ZDHHC14: variants seen among roughly 807,000 people sequenced by gnomAD.
ZDHHC14 encodes zDHHC palmitoyltransferase 14, also known as palmitoyltransferase ZDHHC14.
Under a neutral mutation model 47.7 loss-of-function variants are expected in ZDHHC14, and 16 were observed. That is an observed-to-expected ratio of 0.34 (90% CI 0.23 to 0.51). The LOEUF is 0.51. ZDHHC14 is among the 20% of genes least tolerant of loss of function. The pLI is 0.97. For missense variants in ZDHHC14, 515 were observed against 662.5 expected, an observed-to-expected ratio of 0.78 and a Z score of 2.44; for synonymous variants, 293 against 278.9, an observed-to-expected ratio of 1.05 and a Z score of -0.50.
chr6:157,672,622 G>GCTCC, intron 8 of ZDHHC14, 102 bp from the exon 9 acceptor site: 1 of 436,552 alleles, frequency 2.3e-6, no homozygotes, highest in Non-Finnish European at 4.2e-6. Context: ...CTCTCTTCTC[G>GCTCC]CACCCCACCC....
intron 8 of ZDHHC14, among the ~76,000 whole-genome samples, chr6:157,665,236 A>T (rs1778501322): frequency 6.6e-6 from 1 of 152,174 alleles, no homozygotes; most frequent in Non-Finnish European, 1.5e-5. Context: ...CATTCCTGGG[A>T]GTAGAAGAGA....
At chr6:157,522,987 T>C (rs1180294892) in intron 1 of ZDHHC14, among the ~76,000 whole-genome samples, 1 of 35,498 alleles carries the variant, frequency 2.8e-5, no homozygotes, top group African/African-American at 1.8e-4. Context: ...TTTCTTTTTC[T>C]TTTCTTTTCT....
rs757522125 is a variant in ZDHHC14, at chr6:157,675,811, CGTT to C, written c.*2691_*2693del. 4 of 152,312 alleles carry C rather than the reference CGTT, an allele frequency of 2.6e-5. No homozygotes were observed. Among genetic ancestry groups the C allele is most frequent in the South Asian group, 2.1e-4 (1 of 4,824 alleles). 9.4% of individuals were successfully genotyped at this position (152,312 alleles called of 1,614,324 possible). ...TTCCTTCTAGCTGTGGCTGAGTAGA[CGTT>C]GGTGTTTCTAACTTCTTTCAGTGTG... is the stretch of plus-strand genomic sequence containing the variant. On this transcript the variant is annotated 3_prime_UTR_variant, in exon 9 of 9. Coordinates refer to ENST00000359775, the MANE Select transcript of ZDHHC14 (RefSeq NM_024630.3).
At chr6:157,598,058 G>A (rs1488299306) in intron 3 of ZDHHC14, among the ~76,000 whole-genome samples, 1 of 152,200 alleles carries the variant, frequency 6.6e-6, no homozygotes, top group Non-Finnish European at 1.5e-5. Context: ...CACAGTGTCT[G>A]CCCCTTGTTG....
intron 1 of ZDHHC14, among the ~76,000 whole-genome samples, chr6:157,406,594 G>A (rs1422563963): frequency 1.3e-5 from 2 of 152,206 alleles, no homozygotes; most frequent in East Asian, 3.8e-4. Context: ...GTAAATGTAA[G>A]AAAGTCACTC....
chr6:157,537,065 G>A (rs1338967801), intron 1 of ZDHHC14, among the ~76,000 whole-genome samples: 2 of 55,800 alleles, frequency 3.6e-5, no homozygotes, highest in Non-Finnish European at 8.2e-5. Flanking sequence ...TGATCCGCCC[G>A]CCTCGGCCTC....
intron 1 of ZDHHC14, among the ~76,000 whole-genome samples, chr6:157,504,603 G>A (rs982237035): frequency 2.7e-5 from 4 of 149,474 alleles, no homozygotes; most frequent in Admixed American, 6.7e-5. Context: ...TAGAGATGGG[G>A]TTTCACCACG....
intron 8 of ZDHHC14, among the ~76,000 whole-genome samples, chr6:157,671,470 A>G (rs1049158448): frequency 7.9e-5 from 12 of 152,160 alleles, no homozygotes; most frequent in African/African-American, 2.9e-4. Flanking sequence ...CCATCAAAAC[A>G]CTGCTCCTGA....
chr6:157,477,786 T>C (rs371219571), intron 1 of ZDHHC14, among the ~76,000 whole-genome samples: 13 of 152,228 alleles, frequency 8.5e-5, no homozygotes, highest in African/African-American at 3.1e-4. Context: ...TATTTATATT[T>C]AGAAAGTTGT....
At chr6:157,527,169 T>C (rs1781186246) in intron 1 of ZDHHC14, among the ~76,000 whole-genome samples, 1 of 152,190 alleles carries the variant, frequency 6.6e-6, no homozygotes, top group Admixed American at 6.5e-5. Flanking sequence ...GACCCTCAGC[T>C]GAGCCACCCT....
chr6:157,577,366 T>C (rs1401457094), intron 2 of ZDHHC14, among the ~76,000 whole-genome samples: 4 of 152,196 alleles, frequency 2.6e-5, no homozygotes, highest in Non-Finnish European at 4.4e-5. Flanking sequence ...TTATATTTCT[T>C]TGGGTATATA....
chr6:157,616,880 C>T (rs780138734), intron 3 of ZDHHC14, among the ~76,000 whole-genome samples: 3 of 152,172 alleles, frequency 2.0e-5, no homozygotes, highest in Non-Finnish European at 4.4e-5. Context: ...CCAAGAGAAC[C>T]AGACTGAGCC....
chr6:157,553,591 G>A (rs368315906), intron 2 of ZDHHC14, among the ~76,000 whole-genome samples: 3 of 151,544 alleles, frequency 2.0e-5, no homozygotes, highest in African/African-American at 7.3e-5. Context: ...TTGCCTTCCC[G>A]GTGACCTTTC....
intron 1 of ZDHHC14, among the ~76,000 whole-genome samples, chr6:157,514,611 T>C (rs1780613077): frequency 6.6e-6 from 1 of 152,260 alleles, no homozygotes; most frequent in South Asian, 2.1e-4. Flanking sequence ...TTGAGTTTCA[T>C]GGCAAATGTC....
chr6:157,592,903 G>A (rs1783971666), intron 2 of ZDHHC14, 85 bp from the exon 3 acceptor site: 9 of 1,511,116 alleles, frequency 6.0e-6, no homozygotes, highest in Non-Finnish European at 7.9e-6. Context: ...CTGCTGCCCT[G>A]GAGCTTACAC....
chr6:157,527,687 C>T (rs1781208247), intron 1 of ZDHHC14, among the ~76,000 whole-genome samples: 1 of 152,174 alleles, frequency 6.6e-6, no homozygotes, highest in Non-Finnish European at 1.5e-5. Flanking sequence ...TGCTTTTTGA[C>T]CTCAAGTTTC....
At chr6:157,530,536 T>A (rs1191208410) in intron 1 of ZDHHC14, among the ~76,000 whole-genome samples, 1 of 152,212 alleles carries the variant, frequency 6.6e-6, no homozygotes, top group Non-Finnish European at 1.5e-5. Flanking sequence ...ATATGCACTT[T>A]TGAAGCTGTC....
intron 1 of ZDHHC14, among the ~76,000 whole-genome samples, chr6:157,462,798 C>A (rs1176721845): frequency 6.6e-6 from 1 of 152,238 alleles, no homozygotes; most frequent in Admixed American, 6.5e-5. Context: ...GAGGGCCTGG[C>A]GGGGGCCTCT....
rs189883293 is a variant in ZDHHC14 at position 157,501,756 on chromosome 6, A to T, written c.246-40829A>T. Among the ~76,000 whole-genome samples, 375 of 152,332 alleles carry T rather than the reference A, an allele frequency of 2.5e-3. 2 individuals carry two copies. Among genetic ancestry groups the T allele is most frequent in the African/African-American group, 8.6e-3 (359 of 41,574 alleles). ...GCTGGTAGTTTGTAGCAGAGTATCAATGGTTAGTTTTATGTTGAATCTGAT... is the reference window on the plus strand; with the variant it reads ...GCTGGTAGTTTGTAGCAGAGTATCATTGGTTAGTTTTATGTTGAATCTGAT... On this transcript the variant is annotated intron_variant, in intron 1 of 8. Coordinates refer to ENST00000359775, the MANE Select transcript of ZDHHC14 (RefSeq NM_024630.3).
Sources: gnomAD v4.1 joint callset for allele counts (sites outside exome capture counted in the v4.1 genomes callset) on GRCh38, gnomAD v4.1.1 for gene constraint, MANE v1.5 for transcripts, NCBI Gene and HGNC (gene_info 2026-07-23, HGNC 2026-07-21) for gene names.